DCHS2: variants seen among roughly 807,000 people sequenced by gnomAD.
DCHS2 encodes the protein protocadherin-23.
In DCHS2, 142 loss-of-function variants were observed where a neutral mutation model predicts 182.4. The observed-to-expected ratio is 0.78, with a 90% confidence interval of 0.68 to 0.89. DCHS2 has a LOEUF of 0.89. Ranked by LOEUF, DCHS2 falls within the 40% of genes least tolerant of loss-of-function variation. The pLI is 0.00. For synonymous variants in DCHS2, 1,740 were observed against 1,663.3 expected (o/e 1.05, Z -1.12); for missense variants, 4,319 against 4,198.6 (o/e 1.03, Z -0.79).
chr4:154,483,717 A>G (rs928289818), intron 1 of DCHS2, among the ~76,000 whole-genome samples: 4 of 152,194 alleles, frequency 2.6e-5, no homozygotes, highest in Non-Finnish European at 4.4e-5. Flanking sequence ...AAATGGAGTA[A>G]GATGCCAACC....
At chr4:154,239,670 G>A (rs1226426069) in intron 18 of DCHS2, among the ~76,000 whole-genome samples, 4 of 151,840 alleles carry the variant, frequency 2.6e-5, no homozygotes, top group Admixed American at 1.3e-4. Context: ...CACCACACCA[G>A]GCTAATTTTT....
chr4:154,234,294 C>A lies in DCHS2; in HGVS notation c.*242G>T. ...GACAACAGGTCTGACAGAATATACA[C>A]TACTTAATATATACAAATGTGAGTC... On this transcript the variant is annotated 3_prime_UTR_variant, in exon 20 of 20. Transcript: ENST00000357232. The A allele has an allele frequency of 2.2e-6, 1 of 446,498 alleles. No individual in the cohort carries two copies. The highest frequency in any genetic ancestry group is 4.2e-5 in the South Asian group (1 of 23,804). The allele number at this position is 446,498 out of a possible 1,614,324, so 27.7% of individuals were successfully genotyped here.
At chr4:154,252,521 C>T (rs1578860495) in intron 16 of DCHS2, among the ~76,000 whole-genome samples, 1 of 152,056 alleles carries the variant, frequency 6.6e-6, no homozygotes, top group East Asian at 1.9e-4. Context: ...CATCCTTCTA[C>T]TCCCTATCTG....
chr4:154,466,746 TG>T (rs1735258540), intron 1 of DCHS2, among the ~76,000 whole-genome samples: 1 of 152,182 alleles, frequency 6.6e-6, no homozygotes, highest in Admixed American at 6.5e-5. Context: ...ATTAATCAAA[TG>T]AGACAATTAT....
At chr4:154,437,857 G>C (rs980550603) in intron 1 of DCHS2, among the ~76,000 whole-genome samples, 1 of 152,052 alleles carries the variant, frequency 6.6e-6, no homozygotes, top group Non-Finnish European at 1.5e-5. Flanking sequence ...TTATACAGTA[G>C]AGATTTGAGT....
At chr4:154,340,285 T>C (rs1479771116) in intron 3 of DCHS2, among the ~76,000 whole-genome samples, 4 of 152,326 alleles carry the variant, frequency 2.6e-5, no homozygotes, top group African/African-American at 9.6e-5. Context: ...TTAATTTCCA[T>C]TAAATCAATC....
At position 154,414,243 on chromosome 4, in the gene DCHS2, CTT is replaced by C. The variant is rs1732744121; in HGVS notation, c.2053-36801_2053-36800del. Among the ~76,000 whole-genome samples, 7 of 151,836 alleles carry C rather than the reference CTT, an allele frequency of 4.6e-5. No individual in the cohort carries two copies. In the South Asian group the frequency reaches 1.5e-3, roughly 31 times the overall value. On this transcript the variant is annotated intron_variant, in intron 1 of 19. Transcript: ENST00000357232. Reference sequence around the variant, plus strand: ...TATGTTCCAATTCAGAGTGATATCTCTTTATGTTTAGAAGAAGATTCGAAAAC... The same window carrying C: ...TATGTTCCAATTCAGAGTGATATCTCTATGTTTAGAAGAAGATTCGAAAAC...
chr4:154,279,282 TA>T lies in DCHS2; in HGVS notation c.6464-9270del, dbSNP rs1308043566. The stretch of plus-strand genomic sequence containing the variant: ...ATCAAGGTATGTTGCTACAAAAAAT[TA>T]ACAAAACACAAAGGAAGGTAACAAG... On this transcript the variant is annotated intron_variant, in intron 13 of 19. Coordinates refer to ENST00000357232, the MANE Select transcript of DCHS2 (RefSeq NM_001358235.2). Among the ~76,000 whole-genome samples the T allele has an allele frequency of 2.6e-5, 4 of 151,550 alleles. No homozygotes were observed. The East Asian group carries it at 7.8e-4, about 29-fold the overall frequency.
chr4:154,482,304 A>G, intron 1 of DCHS2, among the ~76,000 whole-genome samples: 1 of 152,250 alleles, frequency 6.6e-6, no homozygotes. Context: ...GAGCAAAAAT[A>G]AATTCCATAT....
At chr4:154,280,225 T>G (rs999753614) in intron 13 of DCHS2, among the ~76,000 whole-genome samples, 2 of 151,866 alleles carry the variant, frequency 1.3e-5, no homozygotes, top group Non-Finnish European at 2.9e-5. Flanking sequence ...GGTGATTGAG[T>G]CAATAATCAA....
At position 154,236,918 on chromosome 4, in the gene DCHS2, C is replaced by A; in HGVS notation, c.7734G>T (p.Trp2578Cys). The A allele has an allele frequency of 6.2e-7, 1 of 1,614,028 alleles. No homozygotes were observed. Among genetic ancestry groups the A allele is most frequent in the South Asian group, 1.1e-5 (1 of 91,074 alleles). ...LVTFSNIDHD[W>C]TRENTYVEYS... ...ATTCAACATATGTGTTTTCACGGGTCCAGTCATGGTCGATGTTTGAAAATG... is the reference window on the plus strand; with the variant it reads ...ATTCAACATATGTGTTTTCACGGGTACAGTCATGGTCGATGTTTGAAAATG... The change falls in exon 20 of 20, where the codon TGG (tryptophan) becomes TGT (cysteine). Residue 2578 changes from tryptophan (W) to cysteine (C), a missense_variant. Trp to Cys is a radical substitution (Grantham distance 215). Transcript: ENST00000357232.
intron 16 of DCHS2, among the ~76,000 whole-genome samples, chr4:154,244,460 G>A (rs1313983262): frequency 1.3e-5 from 2 of 152,174 alleles, no homozygotes; most frequent in Admixed American, 6.5e-5. Context: ...AATAAAATGA[G>A]TTATTAATTA....
chr4:154,444,576 A>G (rs2110963075), intron 1 of DCHS2, among the ~76,000 whole-genome samples: 1 of 152,212 alleles, frequency 6.6e-6, no homozygotes, highest in Non-Finnish European at 1.5e-5. Flanking sequence ...TTGCACCTGC[A>G]TTACTGCAAC....
At chr4:154,413,562 G>A (rs62331910) in intron 1 of DCHS2, among the ~76,000 whole-genome samples, 34,730 of 152,048 alleles carry the variant, frequency 0.23, 4,265 homozygotes, top group African/African-American at 0.33. Flanking sequence ...CTTGATCTGT[G>A]TCCCAGAAGG....
chr4:154,272,039 C>T (rs1733624947), intron 13 of DCHS2: 1 of 152,058 alleles, frequency 6.6e-6, no homozygotes, highest in African/African-American at 2.4e-5. Flanking sequence ...TACACAATAC[C>T]TGATTTCTTT....
intron 3 of DCHS2, among the ~76,000 whole-genome samples, chr4:154,360,505 G>C (rs1210238959): frequency 6.6e-6 from 1 of 152,066 alleles, no homozygotes; most frequent in African/African-American, 2.4e-5. Context: ...TTGCAAATAA[G>C]AGAAAGTCAT....
chr4:154,394,333 A>G (rs10021751), intron 1 of DCHS2, among the ~76,000 whole-genome samples: 136,625 of 152,240 alleles, frequency 0.9, 62,940 homozygotes, highest in East Asian at 1. Flanking sequence ...ACAGCTGGTC[A>G]TTAGGCACAA....
At chr4:154,238,058 CAGA>C (rs1354707466) in intron 19 of DCHS2, among the ~76,000 whole-genome samples, 1 of 145,496 alleles carries the variant, frequency 6.9e-6, no homozygotes, top group African/African-American at 2.5e-5. Context: ...ATTGAGTGCT[CAGA>C]AGAACTGCCT....
intron 3 of DCHS2, among the ~76,000 whole-genome samples, chr4:154,348,542 T>C (rs1169237906): frequency 6.6e-6 from 1 of 151,890 alleles, no homozygotes; most frequent in Non-Finnish European, 1.5e-5. Context: ...TATAATTAGT[T>C]AAGGATCTCA....
Sources: allele counts gnomAD v4.1 joint callset (sites outside exome capture counted in the v4.1 genomes callset), GRCh38; gene constraint gnomAD v4.1.1; transcripts MANE v1.5; gene names NCBI Gene and HGNC (gene_info 2026-07-23, HGNC 2026-07-21).